GNAO1: variants seen among roughly 807,000 people sequenced by gnomAD.
GNAO1 encodes guanine nucleotide-binding protein G(o) subunit alpha.
For synonymous variants in GNAO1, 164 were observed against 180.7 expected (o/e 0.91, Z 0.74); for missense variants, 166 against 478.7 (o/e 0.35, Z 6.10).
In GNAO1 at chr16:56,354,856, C is replaced by G. The variant is rs374412223; in HGVS notation, c.878-10C>G. On this transcript the variant is annotated splice_polypyrimidine_tract_variant and intron_variant, in intron 7 of 8. Transcript: ENST00000262493. This position sits in a 1 kb window ranked among gnomAD's most constrained non-coding sequence, Gnocchi z 4.3. ...AGGGCCTCTCCCCGTTCTTCTGTGT[C>G]TTGTTACAGGCCCCAATACCTATGA... 1 of 1,599,272 alleles carries G rather than the reference C, an allele frequency of 6.3e-7. No homozygotes were observed. The highest frequency in any genetic ancestry group is 8.6e-7 in the Non-Finnish European group (1 of 1,167,394).
At chr16:56,194,188 C>G (rs1445253224) in intron 2 of GNAO1, 3 of 456,496 alleles carry the variant, frequency 6.6e-6, no homozygotes, top group Non-Finnish European at 1.3e-5. Flanking sequence ...TTCGCAGAGC[C>G]CCCCTTGGCT....
At chr16:56,277,885 C>G (rs1401999243) in intron 3 of GNAO1, among the ~76,000 whole-genome samples, 1 of 151,556 alleles carries the variant, frequency 6.6e-6, no homozygotes, top group African/African-American at 2.4e-5. Context: ...CATCTCCCAG[C>G]CAGCTCTTCC....
intron 2 of GNAO1, among the ~76,000 whole-genome samples, chr16:56,195,603 GC>G (rs2036225590): frequency 1.3e-5 from 2 of 152,298 alleles, no homozygotes; most frequent in East Asian, 3.9e-4. Flanking sequence ...AACCTATCAG[GC>G]CATATGTACA....
At chr16:56,220,539 C>T (rs1440703654) in intron 2 of GNAO1, among the ~76,000 whole-genome samples, 1 of 152,126 alleles carries the variant, frequency 6.6e-6, no homozygotes, top group African/African-American at 2.4e-5. Flanking sequence ...TGAAGAATTT[C>T]CTTAGAAAAA....
At position 56,262,886 on chromosome 16, in the gene GNAO1, C is replaced by T. The variant is rs77437198; in HGVS notation, c.162-13045C>T. 3.7e-4 allele frequency among the ~76,000 whole-genome samples: 56 copies of T among 152,330 alleles called. No homozygotes were observed. The East Asian group carries it at 0.011, about 29-fold the overall frequency. On this transcript the variant is annotated intron_variant, in intron 2 of 8. Transcript: ENST00000262493. ...TGCACATAAGGCATTGTGAGGAGGACTCAGCAGCCATAAAGCTCTCTGTCA... is the reference window on the plus strand; with the variant it reads ...TGCACATAAGGCATTGTGAGGAGGATTCAGCAGCCATAAAGCTCTCTGTCA...
chr16:56,318,693 G>A (rs1392369343), intron 3 of GNAO1, among the ~76,000 whole-genome samples: 2 of 152,136 alleles, frequency 1.3e-5, no homozygotes, highest in African/African-American at 4.8e-5. Flanking sequence ...AAATGGAAGG[G>A]GTTATTATTA....
chr16:56,309,292 T>G (rs2037430816), intron 3 of GNAO1, among the ~76,000 whole-genome samples: 1 of 152,150 alleles, frequency 6.6e-6, no homozygotes, highest in Non-Finnish European at 1.5e-5. Context: ...CCGGGATATT[T>G]GAGGTGATCT....
intron 7 of GNAO1, among the ~76,000 whole-genome samples, chr16:56,353,698 G>A (rs2037944634): frequency 6.6e-6 from 1 of 152,188 alleles, no homozygotes; most frequent in Non-Finnish European, 1.5e-5. Flanking sequence ...CTCCAGACAG[G>A]AAGCTCCTGG....
intron 2 of GNAO1, among the ~76,000 whole-genome samples, chr16:56,205,711 TCA>T (rs765575274): frequency 7.9e-5 from 12 of 152,234 alleles, no homozygotes; most frequent in Non-Finnish European, 1.6e-4. Context: ...TGGCACTTTC[TCA>T]GTTTCTAGGA....
At chr16:56,237,029 G>A (rs2036643995) in intron 2 of GNAO1, among the ~76,000 whole-genome samples, 1 of 152,164 alleles carries the variant, frequency 6.6e-6, no homozygotes, top group Non-Finnish European at 1.5e-5. Context: ...TAGAACTTAG[G>A]TCATAAAATT....
chr16:56,219,607 G>T (rs1384357601), intron 2 of GNAO1, among the ~76,000 whole-genome samples: 3 of 152,132 alleles, frequency 2.0e-5, no homozygotes, highest in Non-Finnish European at 4.4e-5. Flanking sequence ...AGAGACTAAT[G>T]CACAGAGTGG....
chr16:56,304,905 C>T (rs2037379263), intron 3 of GNAO1, among the ~76,000 whole-genome samples: 1 of 152,218 alleles, frequency 6.6e-6, no homozygotes, highest in Non-Finnish European at 1.5e-5. Flanking sequence ...AGGACACTGT[C>T]CACCTCCACT....
chr16:56,307,166 C>T (rs1261588342), intron 3 of GNAO1: 1 of 152,204 alleles, frequency 6.6e-6, no homozygotes, highest in Non-Finnish European at 1.5e-5. Context: ...CGCCCAGTGC[C>T]CTCCCCAGGA....
intron 2 of GNAO1, among the ~76,000 whole-genome samples, chr16:56,224,745 G>C (rs2036519818): frequency 6.6e-6 from 1 of 152,216 alleles, no homozygotes; most frequent in African/African-American, 2.4e-5. Flanking sequence ...GGGATTACAG[G>C]CACGAGCCAC....
chr16:56,253,229 C>T (rs560692151), intron 2 of GNAO1, among the ~76,000 whole-genome samples: 6 of 152,156 alleles, frequency 3.9e-5, no homozygotes, highest in African/African-American at 1.4e-4. Flanking sequence ...TCACCCTCCT[C>T]GTTCCTCCAT....
At chr16:56,286,695 C>CTGTGTGTGTGTGTG (rs57968280) in intron 3 of GNAO1, among the ~76,000 whole-genome samples, 3 of 145,000 alleles carry the variant, frequency 2.1e-5, no homozygotes, top group African/African-American at 7.6e-5. Flanking sequence ...TCTGTCGCCT[C>CTGTGTGTGTGTGTG]TGTGTGTGTG....
At chr16:56,268,452 C>T (rs528723926) in intron 2 of GNAO1, among the ~76,000 whole-genome samples, 3 of 152,332 alleles carry the variant, frequency 2.0e-5, no homozygotes, top group Admixed American at 6.5e-5. Flanking sequence ...ATGTGTCACT[C>T]CAGGAGATTC....
Position 56,191,928 on chromosome 16 carries a change from G to T in GNAO1, c.-308G>T, listed in dbSNP as rs2036177799. 3 of 450,060 alleles carry T rather than the reference G, an allele frequency of 6.7e-6. No homozygotes were observed. Among genetic ancestry groups the T allele is most frequent in the Non-Finnish European group, 1.2e-5 (3 of 252,182 alleles). The allele number at this position is 450,060 out of a possible 1,614,324, so 27.9% of individuals were successfully genotyped here. On this transcript the variant is annotated 5_prime_UTR_variant, in exon 1 of 9. Coordinates refer to ENST00000262493, the MANE Select transcript of GNAO1 (RefSeq NM_020988.3). This position sits in a 1 kb window ranked among gnomAD's most constrained non-coding sequence, Gnocchi z 4.7. ...GGGTCGTGCACAAGCCTCAGTGCCT[G>T]CAGTCCGCGCCTCCTCGGCCCGCGG...
At chr16:56,287,874 G>A (rs541074325) in intron 3 of GNAO1, among the ~76,000 whole-genome samples, 1 of 152,276 alleles carries the variant, frequency 6.6e-6, no homozygotes, top group Non-Finnish European at 1.5e-5. Flanking sequence ...GAGCAGGAGA[G>A]ATCACAGAGA....
Sources: allele counts gnomAD v4.1 joint callset (sites outside exome capture counted in the v4.1 genomes callset), GRCh38; gene constraint gnomAD v4.1.1; non-coding constraint Gnocchi (gnomAD v3.1); transcripts MANE v1.5; gene names NCBI Gene and HGNC (gene_info 2026-07-23, HGNC 2026-07-21).